Variants in PDE4D observed in about 807,000 individuals in gnomAD.
PDE4D encodes phosphodiesterase 4D.
PDE4D carries 24 observed loss-of-function variants against 87.4 expected under a neutral mutation model. The observed-to-expected ratio is 0.27, with a 90% CI of 0.20 to 0.39. PDE4D has a LOEUF of 0.39. PDE4D is among the 10% of genes least tolerant of loss of function. The pLI is 1.00. For synonymous variants in PDE4D, 384 were observed against 383.2 expected, an observed-to-expected ratio of 1.00 and a Z score of -0.02; for missense variants, 714 against 1,041.0, an observed-to-expected ratio of 0.69 and a Z score of 4.32.
At chr5:60,087,997 C>T (rs984215654) in intron 2 of PDE4D, among the ~76,000 whole-genome samples, 1 of 151,964 alleles carries the variant, frequency 6.6e-6, no homozygotes, top group Non-Finnish European at 1.5e-5. Context: ...ATACTTTAAG[C>T]AGCAAGAGAA....
At chr5:59,941,105 CT>C (rs1401582948) in intron 3 of PDE4D, among the ~76,000 whole-genome samples, 1 of 152,170 alleles carries the variant, frequency 6.6e-6, no homozygotes, top group African/African-American at 2.4e-5. Flanking sequence ...TAGTGAGGGG[CT>C]GGATTATTTT....
At chr5:59,216,935 G>A (rs776803338) in intron 1 of PDE4D, 3 of 192,036 alleles carry the variant, frequency 1.6e-5, no homozygotes, top group South Asian at 1.8e-4. Context: ...TTTTTCACCC[G>A]GTCTCCATTC....
intron 1 of PDE4D, among the ~76,000 whole-genome samples, chr5:59,641,243 A>T (rs151099797): frequency 1.3e-5 from 2 of 151,484 alleles, no homozygotes; most frequent in Non-Finnish European, 2.9e-5. Flanking sequence ...GGTGCCACTT[A>T]AAAAAAAAGT....
chr5:60,220,731 C>A (rs760903103), intron 1 of PDE4D, among the ~76,000 whole-genome samples: 1 of 152,070 alleles, frequency 6.6e-6, no homozygotes, highest in Non-Finnish European at 1.5e-5. Context: ...TTCTTTAAGG[C>A]TCAATTCAGC....
chr5:59,046,032 C>G (rs1760576722), intron 5 of PDE4D, among the ~76,000 whole-genome samples: 1 of 152,182 alleles, frequency 6.6e-6, no homozygotes, highest in Admixed American at 6.5e-5. Context: ...ACTTCTTGCT[C>G]TTAAAAACTA....
intron 1 of PDE4D, among the ~76,000 whole-genome samples, chr5:59,759,854 A>T (rs1761757770): frequency 6.6e-6 from 1 of 152,200 alleles, no homozygotes. Context: ...CCTAGTTCCC[A>T]GGAGACTGGC....
At chr5:60,073,466 T>TTTTA (rs527715527) in intron 2 of PDE4D, among the ~76,000 whole-genome samples, 194 of 150,982 alleles carry the variant, frequency 1.3e-3, no homozygotes, top group African/African-American at 4.5e-3. Flanking sequence ...TAGCCTGAAG[T>TTTTA]TTTATTTTCT....
chr5:59,022,884 T>C (rs1755452897), intron 6 of PDE4D, among the ~76,000 whole-genome samples: 1 of 152,190 alleles, frequency 6.6e-6, no homozygotes, highest in African/African-American at 2.4e-5. Flanking sequence ...ATTTTGAAAA[T>C]ACAACCAGAG....
intron 6 of PDE4D, 25 bp downstream of exon 6, chr5:59,038,834 C>T: frequency 6.8e-7 from 1 of 1,463,110 alleles, no homozygotes; most frequent in Non-Finnish European, 9.1e-7. Flanking sequence ...CTGGGGGCAC[C>T]AGTGACAGCA....
chr5:59,011,843 A>G (rs552132789), intron 6 of PDE4D, among the ~76,000 whole-genome samples: 2 of 152,320 alleles, frequency 1.3e-5, no homozygotes, highest in African/African-American at 4.8e-5. Flanking sequence ...ACTCCAAGAC[A>G]CATAATTGTC....
intron 1 of PDE4D, among the ~76,000 whole-genome samples, chr5:59,518,831 C>A (rs759821761): frequency 3.9e-5 from 6 of 152,144 alleles, no homozygotes; most frequent in Non-Finnish European, 8.8e-5. Context: ...AAAATGTCTT[C>A]ATTTAAAGAA....
intron 5 of PDE4D, among the ~76,000 whole-genome samples, chr5:59,139,454 G>A (rs893988078): frequency 6.6e-6 from 1 of 152,064 alleles, no homozygotes; most frequent in African/African-American, 2.4e-5. Flanking sequence ...AGGCATTGCA[G>A]ACTCTGATGG....
chr5:59,394,988 C>T (rs1041675768), intron 1 of PDE4D, among the ~76,000 whole-genome samples: 3 of 152,214 alleles, frequency 2.0e-5, no homozygotes, highest in African/African-American at 4.8e-5. Context: ...CCTGGAGAAT[C>T]GGGTCACTCC....
At chr5:60,035,484 C>T (rs761360752) in intron 2 of PDE4D, among the ~76,000 whole-genome samples, 1 of 152,102 alleles carries the variant, frequency 6.6e-6, no homozygotes, top group Non-Finnish European at 1.5e-5. Flanking sequence ...ACTCTGAGAA[C>T]CAAGAGCCAA....
At chr5:60,337,351 C>CAA (rs1491477498) in intron 1 of PDE4D, among the ~76,000 whole-genome samples, 2,568 of 62,052 alleles carry the variant, frequency 0.041, 83 homozygotes, top group Middle Eastern at 0.066. Context: ...AACAAACAAA[C>CAA]TATATATATA....
chr5:59,925,282 TTTTAA>T (rs1298127839), intron 3 of PDE4D, among the ~76,000 whole-genome samples: 5 of 152,098 alleles, frequency 3.3e-5, no homozygotes, highest in African/African-American at 1.2e-4. Flanking sequence ...ATGCAATCAG[TTTTAA>T]TTTGTCGTCA....
At chr5:59,110,600 C>T (rs533756052) in intron 5 of PDE4D, among the ~76,000 whole-genome samples, 11 of 152,184 alleles carry the variant, frequency 7.2e-5, no homozygotes, top group Admixed American at 5.2e-4. Context: ...AGTTGAGCAC[C>T]GTGGCTCATG....
intron 1 of PDE4D, among the ~76,000 whole-genome samples, chr5:59,651,476 C>T (rs1272908896): frequency 1.3e-5 from 2 of 151,542 alleles, no homozygotes; most frequent in East Asian, 1.9e-4. Context: ...TCTGACCTTC[C>T]TTCCAAAATT....
At chr5:59,350,578 C>G (rs764787353) in intron 1 of PDE4D, among the ~76,000 whole-genome samples, 14 of 152,140 alleles carry the variant, frequency 9.2e-5, no homozygotes, top group Non-Finnish European at 1.5e-4. Flanking sequence ...TTCATTCATT[C>G]AATACACAAA....
Sources: allele counts gnomAD v4.1 joint callset (sites outside exome capture counted in the v4.1 genomes callset), GRCh38; gene constraint gnomAD v4.1.1; transcripts MANE v1.5; gene names NCBI Gene and HGNC (gene_info 2026-07-23, HGNC 2026-07-21).